Variants in ZNF676 observed in about 807,000 individuals in gnomAD.
ZNF676 encodes zinc finger protein 676.
A neutral mutation model predicts 6.0 loss-of-function variants in ZNF676; 4 were observed. The observed-to-expected ratio is 0.67, with a 90% CI of 0.33 to 1.53. ZNF676 has a LOEUF of 1.53. ZNF676 is among the 40% of genes most tolerant of loss of function. The probability of loss-of-function intolerance (pLI) is 0.06; values close to 1 mark genes in which losing one functional copy is unlikely to be tolerated. For synonymous variants in ZNF676, 198 were observed against 223.1 expected (o/e 0.89, Z 1.00); for missense variants, 644 against 679.7 (o/e 0.95, Z 0.58).
At chr19:22,253,380 A>ATATATATATATGATAATGTGTGTG in the ZNF676 span, among the ~76,000 whole-genome samples, 1 of 114,418 alleles carries the variant, frequency 8.7e-6, no homozygotes, top group African/African-American at 3.5e-5. Flanking sequence ...GTGTATATAT[A>ATATATATATATGATAATGTGTGTG]TATATATATA....
chr19:22,190,734 A>G (rs1053022069), intron 2 of ZNF676, among the ~76,000 whole-genome samples: 1 of 143,208 alleles, frequency 7.0e-6, no homozygotes, highest in Non-Finnish European at 1.5e-5. Context: ...ACTGTAAACT[A>G]ATAAAGGCAA....
At chr19:22,193,641 G>A (rs1304451883) in intron 1 of ZNF676, among the ~76,000 whole-genome samples, 2 of 152,066 alleles carry the variant, frequency 1.3e-5, no homozygotes, top group African/African-American at 4.8e-5. Context: ...GCAGGAAAAA[G>A]GAGAGGAGAA....
chr19:22,188,904 A>G (rs2023870829), intron 2 of ZNF676, among the ~76,000 whole-genome samples: 1 of 152,322 alleles, frequency 6.6e-6, no homozygotes, highest in South Asian at 2.1e-4. Context: ...GGAACAATCA[A>G]TATCGTGAAA....
At chr19:22,211,985 G>C (rs996035148) in intron 1 of ZNF676, among the ~76,000 whole-genome samples, 2 of 150,646 alleles carry the variant, frequency 1.3e-5, no homozygotes, top group Non-Finnish European at 3.0e-5. Context: ...GGATCATGAG[G>C]TCAGGAAATC....
chr19:22,259,261 T>C, the ZNF676 span, among the ~76,000 whole-genome samples: 1 of 152,136 alleles, frequency 6.6e-6, no homozygotes, highest in Non-Finnish European at 1.5e-5. Context: ...ATGCTCCCTG[T>C]GGGCAGGACT....
chr19:22,182,593 A>AAAAAAAAAAAACAAAAAAC (rs1356303631), intron 2 of ZNF676, among the ~76,000 whole-genome samples: 6 of 90,928 alleles, frequency 6.6e-5, no homozygotes, highest in African/African-American at 2.3e-4. Flanking sequence ...TCTAAAAAAA[A>AAAAAAAAAAAACAAAAAAC]AAAAAAAAAG....
intron 1 of ZNF676, among the ~76,000 whole-genome samples, chr19:22,206,613 T>C (rs898451028): frequency 1.3e-5 from 2 of 151,996 alleles, no homozygotes; most frequent in South Asian, 4.2e-4. Context: ...AGTCAGAGGT[T>C]GCAGTGAACC....
At chr19:22,201,251 T>G (rs2024023054), upstream of ZNF676, among the ~76,000 whole-genome samples, 1 of 152,190 alleles carries the variant, frequency 6.6e-6, no homozygotes, top group African/African-American at 2.4e-5. Flanking sequence ...ACTTACAGAT[T>G]CTGCCATCAG....
intron 2 of ZNF676, 51 bp from the exon 3 acceptor site, chr19:22,181,637 G>C (rs767430247): frequency 4.4e-5 from 60 of 1,373,494 alleles, no homozygotes; most frequent in Non-Finnish European, 4.8e-5. Flanking sequence ...ACTCAGATAA[G>C]TACAGTTTCC....
chr19:22,238,652 G>A, the ZNF676 span, among the ~76,000 whole-genome samples: 9 of 152,082 alleles, frequency 5.9e-5, no homozygotes, highest in Non-Finnish European at 1.2e-4. Flanking sequence ...AACTAATGGT[G>A]TGCGTATATA....
In ZNF676 at chr19:22,184,826, G is replaced by GAAA. The variant is rs144833243; in HGVS notation, c.131-3243_131-3241dup. ...CCTCCTCTTTGGGCAGGGCATCTTT[G>GAAA]AAAAAAAAAAAAAAAAAAAAAAAAA... On this transcript the variant is annotated intron_variant, in intron 2 of 2. Coordinates refer to ENST00000397121, the MANE Select transcript of ZNF676 (RefSeq NM_001001411.3). 1.7e-4 allele frequency among the ~76,000 whole-genome samples: 9 copies of GAAA among 52,690 alleles called. 1 individual carries two copies. Among genetic ancestry groups the GAAA allele is most frequent in the South Asian group, 1.0e-3 (1 of 962 alleles). 34.6% of individuals were successfully genotyped at this position (52,690 alleles called of 152,430 possible). A position where few individuals can be genotyped will look rare whatever the true frequency, so the allele number is the denominator to read the frequency against.
At chr19:22,245,523 A>G in the ZNF676 span, among the ~76,000 whole-genome samples, 2 of 137,076 alleles carry the variant, frequency 1.5e-5, no homozygotes, top group African/African-American at 5.7e-5. Context: ...CCCACCCCCA[A>G]TAGGCAGAGT....
the ZNF676 span, among the ~76,000 whole-genome samples, chr19:22,226,788 G>A: frequency 6.6e-6 from 1 of 151,876 alleles, no homozygotes; most frequent in Admixed American, 6.6e-5. Flanking sequence ...TAGTAGAGAC[G>A]AGGTTTCACC....
chr19:22,227,579 T>C, the ZNF676 span, among the ~76,000 whole-genome samples: 2 of 152,054 alleles, frequency 1.3e-5, no homozygotes, highest in African/African-American at 4.8e-5. Context: ...GGAGCTGGTT[T>C]TTTGAAAAGA....
At chr19:22,202,234 T>G (rs2024033533) in intron 1 of ZNF676, among the ~76,000 whole-genome samples, 1 of 151,260 alleles carries the variant, frequency 6.6e-6, no homozygotes, top group Non-Finnish European at 1.5e-5. Context: ...TGGGTTTCTG[T>G]GCCCCATGGT....
the ZNF676 span, among the ~76,000 whole-genome samples, chr19:22,230,600 ATG>A: frequency 6.6e-6 from 1 of 151,182 alleles, no homozygotes; most frequent in Non-Finnish European, 1.5e-5. Context: ...ATGCATATAT[ATG>A]TGTATATATA....
chr19:22,201,885 A>G (rs1297616401), upstream of ZNF676, among the ~76,000 whole-genome samples: 1 of 152,128 alleles, frequency 6.6e-6, no homozygotes, highest in East Asian at 1.9e-4. Context: ...CCAGAGTGGA[A>G]TTATTGGTCT....
Position 22,193,053 on chromosome 19 carries a change from C to T in ZNF676, c.93G>A (p.Trp31Ter). ...CCACCATCTCATGTCTCTTCATATT[C>T]CAGGGCTCTTTTCCTTGCTCCAGAA... ...IIFLEQGKEP[W>*]NMKRHEMVEE... Residue 31 changes from tryptophan (W) to a stop codon, truncating the protein, a stop_gained, in exon 2 of 3, where the codon TGG becomes TGA. Coordinates refer to ENST00000397121, the MANE Select transcript of ZNF676 (RefSeq NM_001001411.3). LOFTEE classifies it low-confidence loss of function (END_TRUNC). 6.2e-7 allele frequency: 1 copy of T among 1,610,604 alleles called. No individual in the cohort carries two copies. Among genetic ancestry groups the T allele is most frequent in the South Asian group, 1.1e-5 (1 of 90,424 alleles).
At chr19:22,235,396 G>T in the ZNF676 span, among the ~76,000 whole-genome samples, 2 of 152,146 alleles carry the variant, frequency 1.3e-5, no homozygotes, top group African/African-American at 4.8e-5. Flanking sequence ...ATGGGCCAGA[G>T]TAACACACCC....
Sources: allele counts gnomAD v4.1 joint callset (sites outside exome capture counted in the v4.1 genomes callset), GRCh38; gene constraint gnomAD v4.1.1; transcripts MANE v1.5; gene names NCBI Gene and HGNC (gene_info 2026-07-23, HGNC 2026-07-21).